DCDC1: variants seen among roughly 807,000 people sequenced by gnomAD.
The protein encoded by DCDC1 is doublecortin domain-containing protein 1.
Under a neutral mutation model 178.3 loss-of-function variants are expected in DCDC1, and 200 were observed. The observed-to-expected ratio is 1.12, with a 90% CI of 1.00 to 1.26. The LOEUF (loss-of-function observed/expected upper bound fraction) is 1.26. Ranked by LOEUF, DCDC1 falls within the 50% of genes most tolerant of loss-of-function variation. The pLI is 0.00. For synonymous variants in DCDC1, 690 were observed against 604.8 expected (o/e 1.14, Z -2.07); for missense variants, 1,983 against 1,749.2 (o/e 1.13, Z -2.38).
At chr11:31,071,589 T>C (rs1956563829) in intron 18 of DCDC1, among the ~76,000 whole-genome samples, 1 of 152,176 alleles carries the variant, frequency 6.6e-6, no homozygotes, top group Admixed American at 6.5e-5. Flanking sequence ...TACTGCATTT[T>C]TGTCGTTGTT....
chr11:30,954,080 A>G (rs1948613362), intron 20 of DCDC1, among the ~76,000 whole-genome samples: 1 of 133,840 alleles, frequency 7.5e-6, no homozygotes, highest in South Asian at 2.2e-4. Flanking sequence ...GGCTCGATCG[A>G]TCTCGGCTCA....
rs193168825 is a variant in DCDC1 at position 31,200,671 on chromosome 11, T to A, written c.1221+40779A>T. On this transcript the variant is annotated intron_variant, in intron 9 of 38. Transcript: ENST00000684477. The stretch of plus-strand genomic sequence containing the variant: ...TATTTTTTAAAGGAACAAATTTCTG[T>A]TAATTTTGTTTAGATAGGCTGCCTT... 1.5e-4 allele frequency among the ~76,000 whole-genome samples: 23 copies of A among 152,116 alleles called. No homozygotes were observed. The South Asian group carries it at 4.4e-3, about 29-fold the overall frequency.
chr11:30,902,719 T>C (rs1387304030), intron 32 of DCDC1, among the ~76,000 whole-genome samples: 1 of 152,188 alleles, frequency 6.6e-6, no homozygotes, highest in Non-Finnish European at 1.5e-5. Context: ...AAGCTGGGAT[T>C]TGAACCCTGG....
At chr11:31,366,336 A>G (rs1204285490) in intron 1 of DCDC1, among the ~76,000 whole-genome samples, 1 of 152,262 alleles carries the variant, frequency 6.6e-6, no homozygotes, top group Non-Finnish European at 1.5e-5. Context: ...ATGTATCATT[A>G]GAACTCCAGA....
intron 9 of DCDC1, among the ~76,000 whole-genome samples, chr11:31,199,791 G>A (rs796237121): frequency 2.4e-4 from 36 of 152,218 alleles, no homozygotes; most frequent in African/African-American, 8.4e-4. Context: ...AGGTTTGGGT[G>A]TTTTGGTTTT....
intron 20 of DCDC1, among the ~76,000 whole-genome samples, chr11:30,996,822 T>G (rs1448005229): frequency 6.6e-6 from 1 of 152,210 alleles, no homozygotes; most frequent in Non-Finnish European, 1.5e-5. Context: ...ACACACATGG[T>G]CCAGCAATCA....
intron 20 of DCDC1, among the ~76,000 whole-genome samples, chr11:31,056,577 A>C (rs1955597968): frequency 1.3e-5 from 2 of 152,188 alleles, no homozygotes; most frequent in South Asian, 4.1e-4. Flanking sequence ...GGGAGAGAGT[A>C]TGTGAGAGTA....
chr11:30,938,276 C>T (rs998359881), intron 21 of DCDC1, among the ~76,000 whole-genome samples: 3 of 152,082 alleles, frequency 2.0e-5, no homozygotes, highest in Admixed American at 6.6e-5. Context: ...GTTTCTTCCT[C>T]TTTCTCTCTC....
intron 2 of DCDC1, among the ~76,000 whole-genome samples, chr11:31,332,665 C>T (rs1397764980): frequency 6.6e-6 from 1 of 152,134 alleles, no homozygotes; most frequent in Admixed American, 6.5e-5. Flanking sequence ...GCAGGTTGTT[C>T]GGTTTCCATG....
chr11:30,889,424 G>C (rs1943581112), intron 36 of DCDC1, among the ~76,000 whole-genome samples: 1 of 152,212 alleles, frequency 6.6e-6, no homozygotes, highest in Admixed American at 6.5e-5. Flanking sequence ...AGAAGGTATA[G>C]AGAAGCACTT....
At chr11:30,976,507 G>T (rs541000275) in intron 20 of DCDC1, among the ~76,000 whole-genome samples, 1 of 151,008 alleles carries the variant, frequency 6.6e-6, no homozygotes, top group East Asian at 1.9e-4. Flanking sequence ...ATAATTCCAT[G>T]AAAAAGTGGG....
At chr11:31,004,979 C>T (rs1054187584) in intron 20 of DCDC1, among the ~76,000 whole-genome samples, 1 of 152,042 alleles carries the variant, frequency 6.6e-6, no homozygotes, top group African/African-American at 2.4e-5. Context: ...TTCAGTTCTT[C>T]CTGAACCCAC....
chr11:31,344,721 T>A (rs1238921560), intron 1 of DCDC1, among the ~76,000 whole-genome samples: 1 of 152,214 alleles, frequency 6.6e-6, no homozygotes, highest in African/African-American at 2.4e-5. Flanking sequence ...CAAGTGCGGA[T>A]AGTTGTAAGA....
chr11:31,212,498 C>T (rs1972684271), intron 9 of DCDC1, among the ~76,000 whole-genome samples: 1 of 151,966 alleles, frequency 6.6e-6, no homozygotes, highest in Admixed American at 6.5e-5. Flanking sequence ...GAAAGATGAA[C>T]ATAGCTAACT....
intron 21 of DCDC1, among the ~76,000 whole-genome samples, chr11:30,941,434 T>C (rs1947634785): frequency 1.3e-5 from 2 of 152,186 alleles, no homozygotes; most frequent in Admixed American, 1.3e-4. Context: ...TCACTCACAC[T>C]GCTTCTGTCA....
At chr11:31,110,211 G>GT in intron 12 of DCDC1, 49 bp downstream of exon 12, 1 of 665,262 alleles carries the variant, frequency 1.5e-6, no homozygotes, top group Non-Finnish European at 2.7e-6. Context: ...TTAGTTGCAA[G>GT]TAACTTGCAA....
At chr11:31,081,524 C>A (rs1198287422) in intron 17 of DCDC1, among the ~76,000 whole-genome samples, 3 of 152,100 alleles carry the variant, frequency 2.0e-5, no homozygotes, top group Middle Eastern at 3.4e-3. Context: ...ACAGGAGAAT[C>A]GCTTGAACCC....
intron 23 of DCDC1, among the ~76,000 whole-genome samples, chr11:30,922,908 T>C (rs1489624852): frequency 4.0e-5 from 6 of 151,390 alleles, no homozygotes; most frequent in African/African-American, 1.5e-4. Context: ...TGTGAATCTA[T>C]AATTATTTCA....
chr11:31,271,506 CTCTTGTT>C (rs1449332893), intron 7 of DCDC1, among the ~76,000 whole-genome samples: 1 of 152,210 alleles, frequency 6.6e-6, no homozygotes, highest in Non-Finnish European at 1.5e-5. Flanking sequence ...TGTCCATGCT[CTCTTGTT>C]TCTTTTCCTT....
Sources: allele counts gnomAD v4.1 joint callset (sites outside exome capture counted in the v4.1 genomes callset), GRCh38; gene constraint gnomAD v4.1.1; transcripts MANE v1.5; gene names NCBI Gene and HGNC (gene_info 2026-07-23, HGNC 2026-07-21).